The following IGF2BP3 variants were observed in gnomAD, a reference collection of about 807,000 sequenced individuals.
IGF2BP3 encodes the protein insulin-like growth factor 2 mRNA-binding protein 3.
IGF2BP3 carries 9 observed loss-of-function variants against 73.8 expected under a neutral mutation model. The observed-to-expected ratio is 0.12, with a 90% CI of 0.07 to 0.21. The LOEUF (loss-of-function observed/expected upper bound fraction) is 0.21. IGF2BP3 is among the 10% of genes least tolerant of loss of function. IGF2BP3 has a pLI of 1.00. For synonymous variants in IGF2BP3, 258 were observed against 256.7 expected (o/e 1.01, Z -0.05); for missense variants, 542 against 714.0 (o/e 0.76, Z 2.75).
At chr7:23,343,040 C>G (rs1393820279) in intron 9 of IGF2BP3, among the ~76,000 whole-genome samples, 2 of 152,304 alleles carry the variant, frequency 1.3e-5, no homozygotes, top group African/African-American at 4.8e-5. Context: ...AAGTCATTTA[C>G]TTTAAAATTT....
chr7:23,313,906 C>T (rs111712987), intron 12 of IGF2BP3, among the ~76,000 whole-genome samples: 22 of 152,320 alleles, frequency 1.4e-4, no homozygotes, highest in African/African-American at 5.3e-4. Context: ...CTGATGAAAA[C>T]AGTTAAAGGC....
chr7:23,384,279 G>T (rs182501899), intron 3 of IGF2BP3, among the ~76,000 whole-genome samples: 1 of 152,078 alleles, frequency 6.6e-6, no homozygotes, highest in South Asian at 2.1e-4. Context: ...AGGACTAAGT[G>T]GGGTGGGGTG....
intron 3 of IGF2BP3, among the ~76,000 whole-genome samples, chr7:23,368,388 G>GAAAGAA (rs1785450072): frequency 3.0e-5 from 3 of 99,382 alleles, no homozygotes; most frequent in South Asian, 3.1e-4. Flanking sequence ...AGAAAGAAAA[G>GAAAGAA]AAGGCATTAT....
chr7:23,345,940 G>A lies in IGF2BP3; in HGVS notation c.941C>T (p.Pro314Leu). ...TATTCAAAAGCAAAGGAGCACTCACGGAGATATCGTGATTTTAGTGTCTGT... is the reference window on the plus strand; with the variant it reads ...TATTCAAAAGCAAAGGAGCACTCACAGAGATATCGTGATTTTAGTGTCTGT... ...QDTDTKITISPLQELTLYNPE... is the reference protein window; with the variant it reads ...QDTDTKITISLLQELTLYNPE... The change falls in exon 8 of 15, where the codon CCA becomes CTA. Residue 314 changes from proline (P) to leucine (L), a missense_variant and splice_region_variant. Physicochemically the swap from Pro to Leu is moderately conservative, Grantham distance 98 (BLOSUM62 -3). This residue lies in a region of IGF2BP3 where 303 missense variants were observed against 472.1 expected (regional missense o/e 0.64). Transcript: ENST00000258729. 6.2e-6 allele frequency: 10 copies of A among 1,611,852 alleles called. No individual in the cohort carries two copies. The highest frequency in any genetic ancestry group is 8.5e-6 in the Non-Finnish European group (10 of 1,179,892).
chr7:23,460,976 G>C (rs1245887190), intron 2 of IGF2BP3, among the ~76,000 whole-genome samples: 1 of 152,082 alleles, frequency 6.6e-6, no homozygotes, highest in African/African-American at 2.4e-5. Context: ...AAAAAACTAA[G>C]AAAGTGAACA....
chr7:23,340,952 C>T (rs922576697), intron 10 of IGF2BP3, among the ~76,000 whole-genome samples: 10 of 151,112 alleles, frequency 6.6e-5, no homozygotes, highest in African/African-American at 1.7e-4. Flanking sequence ...TGGGTTCAAG[C>T]GATTCTCCTG....
chr7:23,423,216 A>C (rs1401346785), intron 2 of IGF2BP3, among the ~76,000 whole-genome samples: 1 of 152,244 alleles, frequency 6.6e-6, no homozygotes, highest in South Asian at 2.1e-4. Flanking sequence ...AACATTAACA[A>C]GAATGAACCA....
intron 2 of IGF2BP3, among the ~76,000 whole-genome samples, chr7:23,455,607 A>C (rs1788297422): frequency 6.6e-6 from 1 of 152,244 alleles, no homozygotes; most frequent in Non-Finnish European, 1.5e-5. Flanking sequence ...ACTGTTGAAA[A>C]ATAAAAAGAC....
chr7:23,375,796 G>C (rs926142115), intron 3 of IGF2BP3, among the ~76,000 whole-genome samples: 3 of 152,156 alleles, frequency 2.0e-5, no homozygotes, highest in African/African-American at 4.8e-5. Context: ...AAGAATAAAA[G>C]CAACTGGAGG....
Position 23,394,828 on chromosome 7 carries a change from A to T in IGF2BP3, c.285+23948T>A, listed in dbSNP as rs184527762. On this transcript the variant is annotated intron_variant, in intron 3 of 14. Transcript: ENST00000258729. ...GCTTGTTTAGTTAAGCAAGAAAGAA[A>T]TTAACACAATGAAGCCATGTCCTTT... is the stretch of plus-strand genomic sequence containing the variant. 2.6e-5 allele frequency among the ~76,000 whole-genome samples: 4 copies of T among 152,374 alleles called. 1 individual carries two copies. Among genetic ancestry groups the T allele is most frequent in the Admixed American group, 2.6e-4 (4 of 15,302 alleles).
chr7:23,362,572 T>A (rs1241251579), intron 3 of IGF2BP3: 1 of 152,194 alleles, frequency 6.6e-6, no homozygotes, highest in Non-Finnish European at 1.5e-5. Flanking sequence ...GTTATCCAAA[T>A]GGAGAGGCTG....
chr7:23,378,254 C>CT (rs1785789786), intron 3 of IGF2BP3, among the ~76,000 whole-genome samples: 3 of 151,392 alleles, frequency 2.0e-5, no homozygotes, highest in African/African-American at 7.3e-5. Flanking sequence ...AAGACTTTTT[C>CT]TTTTCACTTT....
chr7:23,322,251 G>C (rs1784177078), intron 10 of IGF2BP3, among the ~76,000 whole-genome samples: 1 of 152,166 alleles, frequency 6.6e-6, no homozygotes, highest in African/African-American at 2.4e-5. Context: ...TGAAAACCAA[G>C]GCTCGAGAAC....
intron 2 of IGF2BP3, among the ~76,000 whole-genome samples, chr7:23,439,417 G>C (rs1028997446): frequency 1.3e-5 from 2 of 151,764 alleles, no homozygotes; most frequent in African/African-American, 4.8e-5. Flanking sequence ...AAATTAGCCG[G>C]GTGTGGTGGC....
chr7:23,460,203 C>T (rs1048909569), intron 2 of IGF2BP3, among the ~76,000 whole-genome samples: 2 of 75,906 alleles, frequency 2.6e-5, no homozygotes, highest in South Asian at 4.2e-4. Context: ...AAAACAAAAA[C>T]GAAAGTGAGC....
intron 5 of IGF2BP3, among the ~76,000 whole-genome samples, chr7:23,354,901 G>C (rs112660507): frequency 0.01 from 1,545 of 152,228 alleles, 30 homozygotes; most frequent in African/African-American, 0.035. Flanking sequence ...TCCACAGTCA[G>C]ACACAGCTGA....
At chr7:23,383,896 A>G (rs1785995163) in intron 3 of IGF2BP3, among the ~76,000 whole-genome samples, 1 of 152,024 alleles carries the variant, frequency 6.6e-6, no homozygotes, top group Admixed American at 6.6e-5. Flanking sequence ...GGAGATCGAG[A>G]CCATCCTGGC....
At chr7:23,426,881 T>C (rs1170475440) in intron 2 of IGF2BP3, among the ~76,000 whole-genome samples, 4 of 152,218 alleles carry the variant, frequency 2.6e-5, no homozygotes, top group African/African-American at 9.6e-5. Context: ...TATCATGCCT[T>C]CTGTGTTTTT....
At chr7:23,442,346 T>C (rs572607814) in intron 2 of IGF2BP3, among the ~76,000 whole-genome samples, 1 of 152,332 alleles carries the variant, frequency 6.6e-6, no homozygotes, top group Non-Finnish European at 1.5e-5. Context: ...GTGTAACGGA[T>C]TAATGTCATC....
Sources: allele counts gnomAD v4.1 joint callset (sites outside exome capture counted in the v4.1 genomes callset), GRCh38; gene constraint gnomAD v4.1.1; regional missense constraint gnomAD v4.1.1; transcripts MANE v1.5; gene names NCBI Gene and HGNC (gene_info 2026-07-23, HGNC 2026-07-21).